Variants in CSMD2 observed in about 807,000 individuals in gnomAD.
The protein encoded by CSMD2 is CUB and sushi domain-containing protein 2.
Under a neutral mutation model 398.5 loss-of-function variants are expected in CSMD2, and 130 were observed. The ratio of observed to expected loss-of-function variants is 0.33; its 90% CI spans 0.28 to 0.38. The LOEUF (loss-of-function observed/expected upper bound fraction) is 0.38, where lower values mean the gene tolerates loss of function less well. Among genes scored for constraint, CSMD2 ranks in the 10% least tolerant of loss-of-function variants. The pLI, the probability that CSMD2 is intolerant of heterozygous loss-of-function variation, is 1.00. For missense variants in CSMD2, 3,829 were observed against 4,764.9 expected, an observed-to-expected ratio of 0.80 and a Z score of 5.78; for synonymous variants, 1,828 against 1,908.5, an observed-to-expected ratio of 0.96 and a Z score of 1.10.
chr1:33,718,516 C>T (rs1646249464), intron 19 of CSMD2, among the ~76,000 whole-genome samples: 1 of 152,176 alleles, frequency 6.6e-6, no homozygotes. Context: ...GGTGCCAGGA[C>T]AGGAACTCAT....
intron 41 of CSMD2, among the ~76,000 whole-genome samples, chr1:33,607,439 G>A (rs1168661010): frequency 1.3e-5 from 2 of 152,134 alleles, no homozygotes; most frequent in Non-Finnish European, 2.9e-5. Context: ...ATTGAAGCTG[G>A]GTTTTTCCCC....
At chr1:33,924,409 C>T (rs1644053140) in intron 4 of CSMD2, among the ~76,000 whole-genome samples, 1 of 152,166 alleles carries the variant, frequency 6.6e-6, no homozygotes, top group Non-Finnish European at 1.5e-5. Context: ...ATATATATTA[C>T]ATATACCATA....
intron 25 of CSMD2, among the ~76,000 whole-genome samples, chr1:33,685,291 G>A (rs1485851631): frequency 6.6e-6 from 1 of 152,128 alleles, no homozygotes; most frequent in Non-Finnish European, 1.5e-5. Flanking sequence ...CTTGTTCCAG[G>A]AGAAAAATGA....
Position 33,918,007 on chromosome 1 carries a change from G to A in CSMD2, c.920+87C>T, listed in dbSNP as rs532409744. On this transcript the variant is annotated intron_variant, in intron 5 of 70. Coordinates refer to ENST00000373381, the MANE Select transcript of CSMD2 (RefSeq NM_001281956.2). ...AGTGGCTAAGAGGCCTCTGGCTGCA[G>A]GTCCAGGCACTGAGGAGACTGCAAG... 9.4e-5 allele frequency: 117 copies of A among 1,245,158 alleles called. 1 individual carries two copies. The South Asian group carries it at 1.5e-3, about 16-fold the overall frequency. The allele number at this position is 1,245,158 out of a possible 1,614,324, so 77.1% of individuals were successfully genotyped here.
At chr1:33,809,882 G>A (rs1426221108) in intron 10 of CSMD2, among the ~76,000 whole-genome samples, 3 of 151,922 alleles carry the variant, frequency 2.0e-5, no homozygotes, top group African/African-American at 7.2e-5. Flanking sequence ...AGTAGAATGT[G>A]CAATTTTAAA....
intron 4 of CSMD2, among the ~76,000 whole-genome samples, chr1:33,927,418 C>T (rs1270753241): frequency 6.6e-6 from 1 of 152,206 alleles, no homozygotes; most frequent in Non-Finnish European, 1.5e-5. Flanking sequence ...CATGACACTC[C>T]TTAGTGAGCT....
chr1:34,002,936 G>A (rs3131531), intron 3 of CSMD2, among the ~76,000 whole-genome samples: 3,818 of 152,330 alleles, frequency 0.025, 157 homozygotes, highest in African/African-American at 0.085. Flanking sequence ...TGGATCTGCA[G>A]TGGGCCAGGA....
chr1:33,828,667 G>A (rs1659102164), intron 6 of CSMD2, among the ~76,000 whole-genome samples: 1 of 152,026 alleles, frequency 6.6e-6, no homozygotes, highest in Non-Finnish European at 1.5e-5. Context: ...ATGCTAAGAG[G>A]GAGCCTCCCC....
chr1:33,721,847 C>A (rs1010664422), intron 19 of CSMD2, among the ~76,000 whole-genome samples: 4 of 152,140 alleles, frequency 2.6e-5, no homozygotes, highest in African/African-American at 9.7e-5. Flanking sequence ...GTGTTTACTG[C>A]TCAAAATTAG....
intron 3 of CSMD2, among the ~76,000 whole-genome samples, chr1:34,002,167 G>T (rs1646925276): frequency 6.6e-6 from 1 of 152,160 alleles, no homozygotes; most frequent in Non-Finnish European, 1.5e-5. Context: ...TATCCCTCTA[G>T]ATAGCTAGAT....
chr1:34,057,664 C>T (rs552881785), intron 2 of CSMD2, among the ~76,000 whole-genome samples: 2 of 152,270 alleles, frequency 1.3e-5, no homozygotes, highest in East Asian at 3.9e-4. Flanking sequence ...TTCCACAAGC[C>T]CCCTCGCTTG....
intron 2 of CSMD2, among the ~76,000 whole-genome samples, chr1:34,061,958 G>C (rs1654561040): frequency 1.3e-5 from 2 of 152,186 alleles, no homozygotes; most frequent in Admixed American, 1.3e-4. Context: ...AGCTCAGCTA[G>C]GGTAATTGCT....
chr1:33,907,421 C>T (rs1305754191), intron 5 of CSMD2, among the ~76,000 whole-genome samples: 1 of 152,040 alleles, frequency 6.6e-6, no homozygotes, highest in Non-Finnish European at 1.5e-5. Flanking sequence ...GCCACCACAC[C>T]CGGCCCTTTG....
chr1:33,554,338 T>A (rs1657758749), intron 55 of CSMD2, among the ~76,000 whole-genome samples: 1 of 151,896 alleles, frequency 6.6e-6, no homozygotes, highest in East Asian at 1.9e-4. Context: ...GGACTACAGG[T>A]GCACACCACC....
intron 2 of CSMD2, among the ~76,000 whole-genome samples, chr1:34,084,943 C>T (rs556621599): frequency 3.9e-4 from 59 of 152,214 alleles, no homozygotes; most frequent in African/African-American, 1.4e-3. Context: ...ATGTTTATTG[C>T]AGCACTATTC....
At chr1:33,909,592 G>C (rs1378212911) in intron 5 of CSMD2, among the ~76,000 whole-genome samples, 1 of 152,106 alleles carries the variant, frequency 6.6e-6, no homozygotes, top group Middle Eastern at 3.2e-3. Context: ...TGAGTAGTTT[G>C]TTTGAATGAT....
At chr1:33,552,417 A>G (rs1372450251) in intron 55 of CSMD2, among the ~76,000 whole-genome samples, 1 of 152,248 alleles carries the variant, frequency 6.6e-6, no homozygotes, top group African/African-American at 2.4e-5. Flanking sequence ...TATGCCCAAG[A>G]GAATTGACAA....
intron 12 of CSMD2, among the ~76,000 whole-genome samples, chr1:33,773,381 TA>T (rs1232744150): frequency 7.2e-5 from 11 of 152,304 alleles, no homozygotes; most frequent in African/African-American, 2.4e-4. Flanking sequence ...TGGTAGCAGG[TA>T]AAATGAAACA....
chr1:34,035,851 A>C (rs1209372033), intron 2 of CSMD2, among the ~76,000 whole-genome samples: 1 of 152,186 alleles, frequency 6.6e-6, no homozygotes, highest in Non-Finnish European at 1.5e-5. Flanking sequence ...AAATCCGCAA[A>C]AGACATGCAA....
Sources: gnomAD v4.1 joint callset for allele counts (sites outside exome capture counted in the v4.1 genomes callset) on GRCh38, gnomAD v4.1.1 for gene constraint, MANE v1.5 for transcripts, NCBI Gene and HGNC (gene_info 2026-07-23, HGNC 2026-07-21) for gene names.